DCT: variants seen among roughly 807,000 people sequenced by gnomAD.
DCT encodes L-dopachrome tautomerase.
Under a neutral mutation model 53.0 loss-of-function variants are expected in DCT, and 47 were observed. The ratio of observed to expected loss-of-function variants is 0.89; its 90% CI spans 0.70 to 1.13. DCT has a LOEUF of 1.13. Ranked by LOEUF, DCT falls within the 50% of genes most tolerant of loss-of-function variation. The pLI, the probability that DCT is intolerant of heterozygous loss-of-function variation, is 0.00. For synonymous variants in DCT, 244 were observed against 237.0 expected (o/e 1.03, Z -0.27); for missense variants, 669 against 637.4 (o/e 1.05, Z -0.53).
intron 1 of DCT, among the ~76,000 whole-genome samples, chr13:94,478,478 A>G (rs1385115767): frequency 3.3e-5 from 5 of 151,956 alleles, no homozygotes; most frequent in African/African-American, 7.3e-5. Flanking sequence ...CTCCATCTCC[A>G]AAAAAAAGAG....
rs1881997895 is a variant in DCT at position 94,437,845 on chromosome 13, A to C, written c.*2053T>G. The stretch of plus-strand genomic sequence containing the variant: ...GAAATTCTCTCAGGAAGACATTATA[A>C]AACATAATAGTTATAAAAAGTCACC... On this transcript the variant is annotated 3_prime_UTR_variant, in exon 8 of 8. Coordinates refer to ENST00000377028, the MANE Select transcript of DCT (RefSeq NM_001922.5). 6.6e-6 allele frequency: 1 copy of C among 152,216 alleles called. No homozygotes were observed. Among genetic ancestry groups the C allele is most frequent in the South Asian group, 2.1e-4 (1 of 4,834 alleles). 9.4% of individuals were successfully genotyped at this position (152,216 alleles called of 1,614,324 possible). A position where few individuals can be genotyped will look rare whatever the true frequency, so the allele number is the denominator to read the frequency against.
chr13:94,472,881 C>A (rs1181083296), intron 1 of DCT, among the ~76,000 whole-genome samples: 1 of 151,870 alleles, frequency 6.6e-6, no homozygotes, highest in Non-Finnish European at 1.5e-5. Context: ...CGCACCCTGC[C>A]GTGAGTTCTA....
At chr13:94,451,751 G>A (rs879679845) in intron 6 of DCT, among the ~76,000 whole-genome samples, 1 of 152,036 alleles carries the variant, frequency 6.6e-6, no homozygotes, top group African/African-American at 2.4e-5. Flanking sequence ...TGTTTTCAGT[G>A]ATCACATTCA....
At chr13:94,461,908 G>A (rs1208083977) in intron 5 of DCT, 102 bp downstream of exon 5, 25 of 1,005,598 alleles carry the variant, frequency 2.5e-5, no homozygotes, top group South Asian at 8.6e-5. Context: ...ACTTAGCTTC[G>A]TAGACAACCC....
chr13:94,523,073 TCTCCAAC>T, the DCT span, among the ~76,000 whole-genome samples: 1 of 151,998 alleles, frequency 6.6e-6, no homozygotes, highest in Non-Finnish European at 1.5e-5. Flanking sequence ...GGGCCTGGGG[TCTCCAAC>T]CTCAAAGCAA....
chr13:94,452,536 C>A, intron 6 of DCT: 1 of 718,778 alleles, frequency 1.4e-6, no homozygotes, highest in South Asian at 1.6e-5. Flanking sequence ...AGAGGCAATT[C>A]TGTAACATTT....
At chr13:94,539,940 T>A in the DCT span, among the ~76,000 whole-genome samples, 1 of 152,172 alleles carries the variant, frequency 6.6e-6, no homozygotes, top group Non-Finnish European at 1.5e-5. Flanking sequence ...GATATATATA[T>A]ATAGAAATGT....
chr13:94,490,435 G>A, the DCT span, among the ~76,000 whole-genome samples: 8 of 147,126 alleles, frequency 5.4e-5, no homozygotes, highest in Admixed American at 3.5e-4. Context: ...AATCTGGCAG[G>A]TAGAGGTTGC....
intron 6 of DCT, chr13:94,445,705 A>T: frequency 6.4e-7 from 1 of 1,571,310 alleles, no homozygotes; most frequent in Non-Finnish European, 8.7e-7. Context: ...AGAGCCTCCC[A>T]GGCTCATGGT....
chr13:94,448,828 C>T (rs527813468), intron 6 of DCT, among the ~76,000 whole-genome samples: 6 of 151,890 alleles, frequency 4.0e-5, no homozygotes, highest in East Asian at 1.9e-4. Flanking sequence ...CACTTGAACT[C>T]GGGAGGTGGA....
the DCT span, among the ~76,000 whole-genome samples, chr13:94,532,540 A>G: frequency 6.6e-6 from 1 of 152,244 alleles, no homozygotes; most frequent in African/African-American, 2.4e-5. Context: ...ACGAGGACAG[A>G]AAACCAAACA....
intron 6 of DCT, among the ~76,000 whole-genome samples, 189 bp downstream of exon 6, chr13:94,459,902 A>G (rs759354507): frequency 6.6e-6 from 1 of 152,240 alleles, no homozygotes; most frequent in Non-Finnish European, 1.5e-5. Context: ...TCCCTGAAGC[A>G]TGGGTTCTGA....
At chr13:94,488,049 C>T in the DCT span, among the ~76,000 whole-genome samples, 1 of 152,012 alleles carries the variant, frequency 6.6e-6, no homozygotes, top group Non-Finnish European at 1.5e-5. Flanking sequence ...GATTTTGCAT[C>T]ATTTATCTTT....
At chr13:94,513,510 A>G in the DCT span, among the ~76,000 whole-genome samples, 1 of 152,192 alleles carries the variant, frequency 6.6e-6, no homozygotes, top group Non-Finnish European at 1.5e-5. Flanking sequence ...CAGAAACAAT[A>G]TATGAAACAA....
the DCT span, among the ~76,000 whole-genome samples, chr13:94,512,448 T>C: frequency 1.8e-4 from 28 of 152,180 alleles, no homozygotes; most frequent in Non-Finnish European, 4.0e-4. Context: ...TAACTTCTAA[T>C]TTATTAAAGG....
At chr13:94,445,773 C>A in intron 6 of DCT, 1 of 1,561,016 alleles carries the variant, frequency 6.4e-7, no homozygotes, top group Non-Finnish European at 8.7e-7. Context: ...TGTTGAGACA[C>A]AAAATTTAAT....
At chr13:94,446,362 G>A (rs1264015621) in intron 6 of DCT, among the ~76,000 whole-genome samples, 1 of 152,144 alleles carries the variant, frequency 6.6e-6, no homozygotes, top group Admixed American at 6.5e-5. Context: ...GATGGAATTC[G>A]CATTTTGCAG....
chr13:94,506,068 GC>G, the DCT span, among the ~76,000 whole-genome samples: 4 of 152,204 alleles, frequency 2.6e-5, no homozygotes, highest in Non-Finnish European at 5.9e-5. Flanking sequence ...ATTTTAAGCT[GC>G]TAAATTTGGG....
chr13:94,534,344 T>G, the DCT span, among the ~76,000 whole-genome samples: 4 of 152,334 alleles, frequency 2.6e-5, no homozygotes. Context: ...GAATGTACAA[T>G]GAGTCAGGGG....
Sources: gnomAD v4.1 joint callset for allele counts (sites outside exome capture counted in the v4.1 genomes callset) on GRCh38, gnomAD v4.1.1 for gene constraint, MANE v1.5 for transcripts, NCBI Gene and HGNC (gene_info 2026-07-23, HGNC 2026-07-21) for gene names.